ATP2B2: variants seen among roughly 807,000 people sequenced by gnomAD.
ATP2B2 encodes plasma membrane calcium-transporting ATPase 2.
A neutral mutation model predicts 120.0 loss-of-function variants in ATP2B2; 15 were observed. The observed-to-expected ratio is 0.12, with a 90% CI of 0.08 to 0.19. The LOEUF (loss-of-function observed/expected upper bound fraction) is 0.19, where lower values mean the gene tolerates loss of function less well. Among genes scored for constraint, ATP2B2 ranks in the 10% least tolerant of loss-of-function variants. The pLI is 1.00. For synonymous variants in ATP2B2, 694 were observed against 700.3 expected (o/e 0.99, Z 0.14); for missense variants, 1,045 against 1,719.8 (o/e 0.61, Z 6.94).
intron 2 of ATP2B2, among the ~76,000 whole-genome samples, chr3:10,441,586 C>A (rs1273206515): frequency 6.6e-6 from 1 of 152,190 alleles, no homozygotes; most frequent in Non-Finnish European, 1.5e-5. Flanking sequence ...AAGGGATATC[C>A]TTGAAGGCCG....
At chr3:10,615,819 C>A (rs2069370529) in intron 2 of ATP2B2, among the ~76,000 whole-genome samples, 1 of 152,216 alleles carries the variant, frequency 6.6e-6, no homozygotes, top group African/African-American at 2.4e-5. Flanking sequence ...TAACTCACTT[C>A]TTCTCACTTC....
intron 2 of ATP2B2, among the ~76,000 whole-genome samples, chr3:10,552,299 C>T (rs562971082): frequency 6.6e-6 from 1 of 152,228 alleles, no homozygotes; most frequent in Non-Finnish European, 1.5e-5. Flanking sequence ...TCTCCTCCTG[C>T]AAGGTGAGTG....
chr3:10,383,490 C>T (rs1365282296), intron 8 of ATP2B2, among the ~76,000 whole-genome samples: 2 of 152,210 alleles, frequency 1.3e-5, no homozygotes, highest in Non-Finnish European at 2.9e-5. Context: ...GTAAAGCCCT[C>T]TTAACATCCT....
At chr3:10,621,883 C>A (rs2069560522) in intron 1 of ATP2B2, among the ~76,000 whole-genome samples, 1 of 152,250 alleles carries the variant, frequency 6.6e-6, no homozygotes, top group Admixed American at 6.5e-5. Context: ...CATCGCTGAC[C>A]AGGCTGTGCT....
intron 1 of ATP2B2, among the ~76,000 whole-genome samples, chr3:10,459,107 G>A (rs984694618): frequency 9.9e-5 from 15 of 152,218 alleles, no homozygotes; most frequent in Admixed American, 2.0e-4. Context: ...GCTGGAGGCC[G>A]AAGGAAGGAG....
intron 1 of ATP2B2, among the ~76,000 whole-genome samples, chr3:10,686,043 CTTTTTTTT>C (rs34073958): frequency 3.2e-5 from 3 of 93,224 alleles, no homozygotes; most frequent in South Asian, 3.6e-4. Flanking sequence ...TTCCTCCTTT[CTTTTTTTT>C]TTTTTTTTTT....
intron 1 of ATP2B2, among the ~76,000 whole-genome samples, chr3:10,651,745 ATGG>A (rs2070470527): frequency 2.8e-5 from 2 of 70,530 alleles, no homozygotes; most frequent in African/African-American, 6.8e-4. Flanking sequence ...GCATGTATGA[ATGG>A]ATGGATGGAT....
intron 5 of ATP2B2, among the ~76,000 whole-genome samples, chr3:10,391,256 G>A (rs1465250243): frequency 6.6e-6 from 1 of 152,204 alleles, no homozygotes; most frequent in African/African-American, 2.4e-5. Context: ...GAGGGGCAGA[G>A]CCTGGACTTG....
intron 2 of ATP2B2, among the ~76,000 whole-genome samples, chr3:10,548,094 A>G (rs2067590654): frequency 6.6e-6 from 1 of 152,224 alleles, no homozygotes; most frequent in South Asian, 2.1e-4. Context: ...GCAGGACCAC[A>G]TCACCGTTTG....
intron 5 of ATP2B2, among the ~76,000 whole-genome samples, chr3:10,395,384 T>C (rs1440590965): frequency 6.6e-6 from 1 of 152,226 alleles, no homozygotes; most frequent in Admixed American, 6.5e-5. Flanking sequence ...CAGGTAACAG[T>C]ACCGAATCAA....
chr3:10,577,465 T>C (rs1465752607), intron 2 of ATP2B2, among the ~76,000 whole-genome samples: 2 of 152,196 alleles, frequency 1.3e-5, no homozygotes, highest in Non-Finnish European at 2.9e-5. Context: ...TCCTCAGCTT[T>C]AATCCCCAAG....
chr3:10,339,518 T>C (rs143037164), intron 21 of ATP2B2, among the ~76,000 whole-genome samples: 1 of 152,148 alleles, frequency 6.6e-6, no homozygotes, highest in Admixed American at 6.5e-5. Flanking sequence ...TTGGGCTGCA[T>C]GCTCTCAGAG....
At chr3:10,389,482 G>A (rs1196166423) in intron 5 of ATP2B2, among the ~76,000 whole-genome samples, 2 of 152,194 alleles carry the variant, frequency 1.3e-5, no homozygotes, top group African/African-American at 4.8e-5. Context: ...ACTGCAGTAA[G>A]TAAGTGAGCC....
At chr3:10,386,342 G>A in intron 7 of ATP2B2, 138 bp downstream of exon 7, 1 of 901,586 alleles carries the variant, frequency 1.1e-6, no homozygotes. Flanking sequence ...GGGCACAAAG[G>A]AGGGTCTGGG....
chr3:10,332,968 G>A (rs1354040685), intron 22 of ATP2B2, among the ~76,000 whole-genome samples: 1 of 152,182 alleles, frequency 6.6e-6, no homozygotes, highest in Non-Finnish European at 1.5e-5. Flanking sequence ...GAGTTAGTCA[G>A]AAGAGTGCAC....
At chr3:10,694,625 A>T (rs1243315734) in intron 1 of ATP2B2, among the ~76,000 whole-genome samples, 1 of 152,236 alleles carries the variant, frequency 6.6e-6, no homozygotes, top group Non-Finnish European at 1.5e-5. Context: ...TGACCAGCAG[A>T]GTATATGGCA....
chr3:10,652,142 T>C (rs2070483986), intron 1 of ATP2B2, among the ~76,000 whole-genome samples: 2 of 152,176 alleles, frequency 1.3e-5, no homozygotes, highest in African/African-American at 4.8e-5. Flanking sequence ...ATAGGCCTTC[T>C]TCTGCCCACC....
chr3:10,505,651 T>G (rs1263206758), upstream of ATP2B2: 3 of 140,934 alleles, frequency 2.1e-5, no homozygotes, highest in African/African-American at 7.9e-5. Context: ...TAGGAGAGCA[T>G]CTCGCCGGCA....
At chr3:10,600,462 C>A (rs1008596219) in intron 2 of ATP2B2, among the ~76,000 whole-genome samples, 1 of 152,238 alleles carries the variant, frequency 6.6e-6, no homozygotes, top group African/African-American at 2.4e-5. Flanking sequence ...AGGGTGAGGG[C>A]AGCTTGCTCA....
Sources: allele counts gnomAD v4.1 joint callset (sites outside exome capture counted in the v4.1 genomes callset), GRCh38; gene constraint gnomAD v4.1.1; transcripts MANE v1.5; gene names NCBI Gene and HGNC (gene_info 2026-07-23, HGNC 2026-07-21).